SLC25A12: variants seen among roughly 807,000 people sequenced by gnomAD.
SLC25A12 encodes the protein electrogenic aspartate/glutamate antiporter SLC25A12, mitochondrial.
A neutral mutation model predicts 83.3 loss-of-function variants in SLC25A12; 32 were observed. The ratio of observed to expected loss-of-function variants is 0.38; its 90% confidence interval spans 0.29 to 0.52. The LOEUF is 0.52. Among genes scored for constraint, SLC25A12 ranks in the 20% least tolerant of loss-of-function variants. The pLI is 0.84. For missense variants in SLC25A12, 611 were observed against 835.6 expected, an observed-to-expected ratio of 0.73 and a Z score of 3.31; for synonymous variants, 267 against 291.1, an observed-to-expected ratio of 0.92 and a Z score of 0.84.
At chr2:171,796,585 C>CT (rs1295694133) in intron 13 of SLC25A12, among the ~76,000 whole-genome samples, 2 of 152,114 alleles carry the variant, frequency 1.3e-5, no homozygotes, top group Non-Finnish European at 2.9e-5. Flanking sequence ...AGGAGGATTA[C>CT]TTGAGCCCAG....
chr2:171,786,461 G>A (rs904234082), intron 17 of SLC25A12, among the ~76,000 whole-genome samples: 1 of 151,110 alleles, frequency 6.6e-6, no homozygotes, highest in Non-Finnish European at 1.5e-5. Flanking sequence ...GCATGGAAAA[G>A]CCTGAAGCCT....
chr2:171,857,302 T>C (rs1225205287), intron 3 of SLC25A12, among the ~76,000 whole-genome samples: 3 of 152,084 alleles, frequency 2.0e-5, no homozygotes, highest in Non-Finnish European at 4.4e-5. Context: ...GCCCAGGAAG[T>C]AGAGGCTGTA....
chr2:171,847,919 G>C (rs2105898472), intron 4 of SLC25A12, among the ~76,000 whole-genome samples: 1 of 152,298 alleles, frequency 6.6e-6, no homozygotes, highest in South Asian at 2.1e-4. Context: ...AGGTAACGGT[G>C]ACAACTGTGA....
chr2:171,845,791 T>C (rs998317210), intron 4 of SLC25A12: 2 of 455,246 alleles, frequency 4.4e-6, no homozygotes, highest in Non-Finnish European at 8.8e-6. Context: ...GAAGAAGGCA[T>C]TGGATGTCAC....
At chr2:171,788,004 A>T (rs1690522090) in intron 15 of SLC25A12, 57 bp from the exon 16 acceptor site, 2 of 1,561,484 alleles carry the variant, frequency 1.3e-6, no homozygotes, top group African/African-American at 2.7e-5. Context: ...AGATAGGAAT[A>T]CTGCTAACAT....
chr2:171,859,400 A>G (rs1005592204), intron 3 of SLC25A12, among the ~76,000 whole-genome samples: 1 of 152,194 alleles, frequency 6.6e-6, no homozygotes, highest in Admixed American at 6.5e-5. Context: ...TGAGCCCACA[A>G]GTTCGAGGCT....
At chr2:171,831,466 A>G (rs1684429885) in intron 8 of SLC25A12, among the ~76,000 whole-genome samples, 1 of 152,240 alleles carries the variant, frequency 6.6e-6, no homozygotes, top group African/African-American at 2.4e-5. Context: ...TGAAGAAAAG[A>G]AATTTTATAT....
intron 8 of SLC25A12, among the ~76,000 whole-genome samples, chr2:171,832,884 C>T (rs1455565239): frequency 6.6e-6 from 1 of 152,158 alleles, no homozygotes; most frequent in Non-Finnish European, 1.5e-5. Context: ...GTTTTTATAT[C>T]AACCAATCAG....
At chr2:171,825,713 G>A (rs920943294) in intron 9 of SLC25A12, among the ~76,000 whole-genome samples, 1 of 152,126 alleles carries the variant, frequency 6.6e-6, no homozygotes, top group African/African-American at 2.4e-5. Flanking sequence ...GTACCAGGAG[G>A]ACAATGACTG....
At chr2:171,886,424 G>A (rs186929796) in intron 2 of SLC25A12, among the ~76,000 whole-genome samples, 1 of 148,660 alleles carries the variant, frequency 6.7e-6, no homozygotes, top group East Asian at 2.0e-4. Flanking sequence ...GTAGAGATGG[G>A]GTTTTGCCAC....
At chr2:171,842,206 C>T (rs1684692964) in intron 5 of SLC25A12, among the ~76,000 whole-genome samples, 1 of 149,200 alleles carries the variant, frequency 6.7e-6, no homozygotes, top group Non-Finnish European at 1.5e-5. Flanking sequence ...TATTCAGCCA[C>T]AAAAAAGGAA....
chr2:171,873,188 C>A (rs1685493541), intron 2 of SLC25A12, among the ~76,000 whole-genome samples: 1 of 152,178 alleles, frequency 6.6e-6, no homozygotes, highest in East Asian at 1.9e-4. Context: ...GTGGCTCACA[C>A]CTGTAATCCC....
intron 2 of SLC25A12, among the ~76,000 whole-genome samples, chr2:171,875,133 A>C (rs1303180492): frequency 6.6e-6 from 1 of 152,138 alleles, no homozygotes; most frequent in East Asian, 1.9e-4. Flanking sequence ...ACTTCACTTC[A>C]GCCTCTGATA....
intron 2 of SLC25A12, among the ~76,000 whole-genome samples, chr2:171,882,495 G>A (rs1222185948): frequency 3.3e-5 from 5 of 152,230 alleles, no homozygotes; most frequent in Non-Finnish European, 7.3e-5. Flanking sequence ...GGCAAAGCCT[G>A]TTTGAGAATG....
At chr2:171,806,906 G>A (rs1683845460) in intron 13 of SLC25A12, among the ~76,000 whole-genome samples, 1 of 152,168 alleles carries the variant, frequency 6.6e-6, no homozygotes, top group South Asian at 2.1e-4. Context: ...CTCACAGACA[G>A]CCACTCTTCA....
At chr2:171,811,570 A>G (rs1156385406) in intron 11 of SLC25A12, among the ~76,000 whole-genome samples, 1 of 152,252 alleles carries the variant, frequency 6.6e-6, no homozygotes. Context: ...ATCATCTGAC[A>G]GAATAATGGA....
chr2:171,890,468 CGTGTGTGTCTGTGT>C (rs1013133116), intron 2 of SLC25A12, among the ~76,000 whole-genome samples: 18 of 132,510 alleles, frequency 1.4e-4, no homozygotes, highest in South Asian at 2.3e-4. Context: ...AATACTGTAT[CGTGTGTGTCTGTGT>C]GTGTGTGTGT....
At chr2:171,854,887 A>C (rs1377550840) in intron 4 of SLC25A12, among the ~76,000 whole-genome samples, 1 of 152,224 alleles carries the variant, frequency 6.6e-6, no homozygotes, top group Non-Finnish European at 1.5e-5. Context: ...GTGTTTCTAC[A>C]AATATCCATG....
chr2:171,806,367 A>C (rs993085017), intron 13 of SLC25A12, among the ~76,000 whole-genome samples: 4 of 152,186 alleles, frequency 2.6e-5, no homozygotes, highest in African/African-American at 9.7e-5. Flanking sequence ...AGGCAGGAGA[A>C]TCGCATTAAC....
Sources: allele counts gnomAD v4.1 joint callset (sites outside exome capture counted in the v4.1 genomes callset), GRCh38; gene constraint gnomAD v4.1.1; transcripts MANE v1.5; gene names NCBI Gene and HGNC (gene_info 2026-07-23, HGNC 2026-07-21).